The following EDA variants were observed in gnomAD, a reference collection of about 807,000 sequenced individuals.
EDA encodes ectodysplasin A.
In EDA, 2 loss-of-function variants were observed where a neutral mutation model predicts 23.6. The observed-to-expected ratio is 0.08, with a 90% CI of 0.03 to 0.27. The LOEUF (loss-of-function observed/expected upper bound fraction) is 0.27, where lower values mean the gene tolerates loss of function less well. EDA is among the 10% of genes least tolerant of loss of function. The pLI is 1.00. For missense variants in EDA, 229 were observed against 324.2 expected, an observed-to-expected ratio of 0.71 and a Z score of 2.26; for synonymous variants, 131 against 132.0, an observed-to-expected ratio of 0.99 and a Z score of 0.05.
At position 69,681,148 on chromosome X, in the gene EDA, C is replaced by T. The variant is rs1013688435; in HGVS notation, c.396+64444C>T. 1.4e-4 allele frequency among the ~76,000 whole-genome samples: 15 copies of T among 111,078 alleles called. 1 individual carries two copies. The highest frequency in any genetic ancestry group is 2.6e-4 in the Non-Finnish European group (14 of 52,982). On this transcript the variant is annotated intron_variant, in intron 1 of 7. Transcript: ENST00000374552. ...TTTCTTTAAGAATGTTGAATATTGG[C>T]CCCCACTCTCTTCTGGCTTGTAGAG... is the stretch of plus-strand genomic sequence containing the variant.
chrX:69,723,117 C>T (rs2012653165), intron 1 of EDA, among the ~76,000 whole-genome samples: 1 of 112,041 alleles, frequency 8.9e-6, no homozygotes, highest in Non-Finnish European at 1.9e-5. Context: ...GGTTACATAT[C>T]TTTTAAATTG....
At chrX:70,019,009 A>G (rs771599568) in intron 2 of EDA, among the ~76,000 whole-genome samples, 2 of 112,149 alleles carry the variant, frequency 1.8e-5, no homozygotes, top group African/African-American at 3.2e-5. Flanking sequence ...AAAAACAAGC[A>G]ACCCCATTAA....
intron 1 of EDA, among the ~76,000 whole-genome samples, chrX:69,876,149 G>A (rs1246492892): frequency 9.0e-6 from 1 of 111,427 alleles, no homozygotes; most frequent in Non-Finnish European, 1.9e-5. Context: ...TCTACCCAGA[G>A]GAAAATAAGT....
intron 2 of EDA, among the ~76,000 whole-genome samples, chrX:70,021,159 A>T (rs1405528441): frequency 5.4e-5 from 6 of 111,768 alleles, no homozygotes; most frequent in Admixed American, 3.8e-4. Flanking sequence ...CATCTTTTGT[A>T]TTTCCCTATT....
rs139988426 is a variant in EDA, at chrX:69,748,654, A to G, written c.396+131950A>G. On this transcript the variant is annotated intron_variant, in intron 1 of 7. Coordinates refer to ENST00000374552, the MANE Select transcript of EDA (RefSeq NM_001399.5). ...AAGATGGCATAGCATAATAGCTTAA[A>G]AGCATGGACTCTTGAGCTGCCTGGG... 3.4e-4 allele frequency among the ~76,000 whole-genome samples: 38 copies of G among 111,924 alleles called. No individual in the cohort carries two copies. In the East Asian group the frequency reaches 0.011, roughly 32 times the overall value.
At chrX:69,728,099 G>T (rs929332905) in intron 1 of EDA, among the ~76,000 whole-genome samples, 3 of 110,534 alleles carry the variant, frequency 2.7e-5, no homozygotes, top group Non-Finnish European at 3.8e-5. Context: ...ACAAAAATTA[G>T]CTGGGCATGG....
intron 1 of EDA, among the ~76,000 whole-genome samples, chrX:69,663,423 C>A (rs1396141778): frequency 1.8e-5 from 2 of 112,346 alleles, no homozygotes; most frequent in African/African-American, 6.5e-5. Context: ...TGGCAGCTTC[C>A]ATGTGGTATT....
At chrX:69,956,237 TAATG>T (rs2018997835) in intron 1 of EDA, among the ~76,000 whole-genome samples, 1 of 111,229 alleles carries the variant, frequency 9.0e-6, no homozygotes, top group African/African-American at 3.3e-5. Flanking sequence ...GAATGTGTAA[TAATG>T]AAGTCCAATG....
intron 1 of EDA, among the ~76,000 whole-genome samples, chrX:69,697,978 G>A (rs759863702): frequency 4.5e-5 from 5 of 111,817 alleles, no homozygotes; most frequent in South Asian, 7.5e-4. Context: ...TTGTTGTTGC[G>A]GGAGCATTTC....
At chrX:69,713,615 G>T (rs1206948634) in intron 1 of EDA, among the ~76,000 whole-genome samples, 1 of 111,820 alleles carries the variant, frequency 8.9e-6, no homozygotes, top group African/African-American at 3.2e-5. Flanking sequence ...GGAATCATAT[G>T]GTATGTACAC....
chrX:69,904,455 ATCC>A (rs1018226467), intron 1 of EDA, among the ~76,000 whole-genome samples: 1 of 110,234 alleles, frequency 9.1e-6, no homozygotes, highest in African/African-American at 3.3e-5. Flanking sequence ...GGCTCAAGCA[ATCC>A]TCCTACCTCA....
intron 1 of EDA, among the ~76,000 whole-genome samples, chrX:69,956,346 T>C (rs866311052): frequency 0.19 from 6,910 of 36,727 alleles, 339 homozygotes; most frequent in Non-Finnish European, 0.33. Context: ...TTTCTTCTTT[T>C]TTTTTTTTTT....
intron 1 of EDA, among the ~76,000 whole-genome samples, chrX:69,800,641 G>T (rs73224495): frequency 0.067 from 7,513 of 111,448 alleles, 287 homozygotes; most frequent in Middle Eastern, 0.21. Flanking sequence ...CAAAACAAAA[G>T]TAGTATCTGA....
At chrX:69,791,953 T>C (rs2015417183) in intron 1 of EDA, among the ~76,000 whole-genome samples, 1 of 112,400 alleles carries the variant, frequency 8.9e-6, no homozygotes, top group Admixed American at 9.4e-5. Flanking sequence ...CAATTGTATT[T>C]TAAAAATTTT....
chrX:70,029,877 C>A (rs1398576186), intron 5 of EDA, among the ~76,000 whole-genome samples: 1 of 112,478 alleles, frequency 8.9e-6, no homozygotes, highest in South Asian at 3.7e-4. Flanking sequence ...ACCCCAGACA[C>A]CTTGCCGGCT....
rs769819813 is a variant in EDA at position 69,818,984 on chromosome X, A to G, written c.397-138043A>G. On this transcript the variant is annotated intron_variant, in intron 1 of 7. Coordinates refer to ENST00000374552, the MANE Select transcript of EDA (RefSeq NM_001399.5). Reference sequence around the variant, plus strand: ...AAAAATCCTCAATAAAATACTGACAAACTGAATCCAGCAACACATCAAAAG... The same window carrying G: ...AAAAATCCTCAATAAAATACTGACAGACTGAATCCAGCAACACATCAAAAG... Among the ~76,000 whole-genome samples, 5 of 112,034 alleles carry G rather than the reference A, an allele frequency of 4.5e-5. No homozygotes were observed. The South Asian group carries it at 1.9e-3, about 42-fold the overall frequency.
intron 1 of EDA, among the ~76,000 whole-genome samples, chrX:69,685,595 A>G: frequency 8.9e-6 from 1 of 112,303 alleles, no homozygotes; most frequent in East Asian, 2.8e-4. Flanking sequence ...TTAAAATTTA[A>G]TACCTTAAGC....
At chrX:69,816,749 A>T (rs2016091132) in intron 1 of EDA, among the ~76,000 whole-genome samples, 1 of 111,065 alleles carries the variant, frequency 9.0e-6, no homozygotes, top group Non-Finnish European at 1.9e-5. Flanking sequence ...AGAGATGAGA[A>T]GAATGAGAAG....
At chrX:70,035,208 G>T in intron 7 of EDA, 150 bp from the exon 8 acceptor site, 2 of 641,794 alleles carry the variant, frequency 3.1e-6, no homozygotes, top group Non-Finnish European at 4.8e-6. Context: ...CTTTCCTGTT[G>T]GCCAGCTAGC....
Sources: gnomAD v4.1 joint callset for allele counts (sites outside exome capture counted in the v4.1 genomes callset) on GRCh38, gnomAD v4.1.1 for gene constraint, MANE v1.5 for transcripts, NCBI Gene and HGNC (gene_info 2026-07-23, HGNC 2026-07-21) for gene names.